Variants in CMTM8 observed in about 807,000 individuals in gnomAD.
CMTM8 encodes CKLF like MARVEL transmembrane domain containing 8, also known as CKLF-like MARVEL transmembrane domain-containing protein 8.
A neutral mutation model predicts 18.6 loss-of-function variants in CMTM8; 12 were observed. The observed-to-expected ratio is 0.65, with a 90% CI of 0.41 to 1.05. CMTM8 has a LOEUF of 1.05. Among genes scored for constraint, CMTM8 ranks in the 50% least tolerant of loss-of-function variants. CMTM8 has a pLI of 0.00. For synonymous variants in CMTM8, 87 were observed against 90.6 expected, an observed-to-expected ratio of 0.96 and a Z score of 0.23; for missense variants, 217 against 227.2, an observed-to-expected ratio of 0.95 and a Z score of 0.29.
At chr3:32,263,737 A>G (rs1348493696) in intron 1 of CMTM8, among the ~76,000 whole-genome samples, 1 of 152,174 alleles carries the variant, frequency 6.6e-6, no homozygotes, top group East Asian at 1.9e-4. Flanking sequence ...AGAATAACCA[A>G]TGCAGAGAAG....
At chr3:32,323,427 ATTT>A (rs1298006907) in intron 1 of CMTM8, among the ~76,000 whole-genome samples, 3 of 152,106 alleles carry the variant, frequency 2.0e-5, no homozygotes, top group Non-Finnish European at 4.4e-5. Flanking sequence ...ATAAAAAAAT[ATTT>A]TTTTCAAGTT....
chr3:32,304,693 A>G (rs1470240899), intron 1 of CMTM8, among the ~76,000 whole-genome samples: 2 of 152,368 alleles, frequency 1.3e-5, no homozygotes, highest in East Asian at 3.9e-4. Flanking sequence ...GGTGGCACAC[A>G]CAAGATAAAT....
At chr3:32,339,921 C>G (rs933945580) in intron 1 of CMTM8, among the ~76,000 whole-genome samples, 3 of 152,132 alleles carry the variant, frequency 2.0e-5, no homozygotes, top group Non-Finnish European at 4.4e-5. Flanking sequence ...CAAGATCGCA[C>G]CACTGCACTC....
chr3:32,366,928 G>T (rs1265509374), intron 2 of CMTM8, among the ~76,000 whole-genome samples: 1 of 152,230 alleles, frequency 6.6e-6, no homozygotes, highest in African/African-American at 2.4e-5. Flanking sequence ...AGCACAGGTG[G>T]AGGTGGCGAC....
At chr3:32,304,110 TG>T (rs1157532096) in intron 1 of CMTM8, among the ~76,000 whole-genome samples, 1 of 152,208 alleles carries the variant, frequency 6.6e-6, no homozygotes, top group Non-Finnish European at 1.5e-5. Flanking sequence ...TTAGACCATT[TG>T]GGTAAGAATA....
At chr3:32,299,681 G>C (rs2125562217) in intron 1 of CMTM8, among the ~76,000 whole-genome samples, 1 of 152,116 alleles carries the variant, frequency 6.6e-6, no homozygotes, top group Admixed American at 6.5e-5. Flanking sequence ...ATCATTGACG[G>C]TAGTCTTCAA....
At chr3:32,251,413 A>G (rs1702108614) in intron 1 of CMTM8, among the ~76,000 whole-genome samples, 2 of 152,086 alleles carry the variant, frequency 1.3e-5, no homozygotes, top group Admixed American at 1.3e-4. Context: ...TCCTGGGCTC[A>G]GGTGATCCTC....
rs1014184289 is a variant in CMTM8 at position 32,272,166 on chromosome 3, A to G, written c.147+33047A>G. On this transcript the variant is annotated intron_variant, in intron 1 of 3. Transcript: ENST00000307526. ...TCATTCTTCTATCTTACTGGTCTCC[A>G]TGGTTGTTGTCGATGTTGGCAGTCA... is the stretch of plus-strand genomic sequence containing the variant. 9.2e-5 allele frequency among the ~76,000 whole-genome samples: 14 copies of G among 152,290 alleles called. No individual in the cohort carries two copies. In the East Asian group the frequency reaches 1.7e-3, roughly 19 times the overall value.
intron 2 of CMTM8, among the ~76,000 whole-genome samples, chr3:32,360,891 G>T (rs1021110642): frequency 6.6e-6 from 1 of 152,208 alleles, no homozygotes; most frequent in Non-Finnish European, 1.5e-5. Context: ...TAATTCTTAG[G>T]CATCTAAAAT....
chr3:32,308,455 C>T (rs937887968), intron 1 of CMTM8, among the ~76,000 whole-genome samples: 5 of 152,150 alleles, frequency 3.3e-5, no homozygotes, highest in Admixed American at 2.6e-4. Flanking sequence ...ATTTCCAGCC[C>T]GCAGTTTCTT....
intron 2 of CMTM8, among the ~76,000 whole-genome samples, chr3:32,361,566 T>G (rs947107625): frequency 6.6e-6 from 1 of 152,110 alleles, no homozygotes; most frequent in Non-Finnish European, 1.5e-5. Flanking sequence ...GTAGACTTGG[T>G]TTTAGTCCCC....
At chr3:32,298,807 A>G (rs1419707318) in intron 1 of CMTM8, among the ~76,000 whole-genome samples, 4 of 133,240 alleles carry the variant, frequency 3.0e-5, no homozygotes, top group African/African-American at 9.0e-5. Flanking sequence ...TAATATATAT[A>G]TATATATACA....
chr3:32,333,723 T>C (rs1696327267), intron 1 of CMTM8, among the ~76,000 whole-genome samples: 1 of 150,418 alleles, frequency 6.6e-6, no homozygotes, highest in South Asian at 2.1e-4. Context: ...AGGTGAAAGA[T>C]GAATAGGCAG....
chr3:32,312,280 C>T lies in CMTM8; in HGVS notation c.148-45093C>T, dbSNP rs1483373894. Among the ~76,000 whole-genome samples, 4 of 152,202 alleles carry T rather than the reference C, an allele frequency of 2.6e-5. No homozygotes were observed. The East Asian group carries it at 5.8e-4, about 22-fold the overall frequency. ...CCTAGGCTTGATAATTTAAAGGGGG[C>T]CCGCATCCCTCAGATAAAAAGTTTC... On this transcript the variant is annotated intron_variant, in intron 1 of 3. Coordinates refer to ENST00000307526, the MANE Select transcript of CMTM8 (RefSeq NM_178868.5).
intron 1 of CMTM8, among the ~76,000 whole-genome samples, chr3:32,267,070 T>C (rs1396713500): frequency 2.0e-5 from 3 of 152,246 alleles, no homozygotes; most frequent in South Asian, 4.1e-4. Context: ...AAGCTACCAA[T>C]GACTTTCTTC....
chr3:32,283,989 G>A (rs1228564652), intron 1 of CMTM8, among the ~76,000 whole-genome samples: 8 of 152,206 alleles, frequency 5.3e-5, no homozygotes, highest in African/African-American at 1.9e-4. Flanking sequence ...AGTGCCTCAC[G>A]CCTGTAATTC....
At chr3:32,329,405 T>A (rs1696228460) in intron 1 of CMTM8, among the ~76,000 whole-genome samples, 1 of 152,112 alleles carries the variant, frequency 6.6e-6, no homozygotes, top group South Asian at 2.1e-4. Context: ...TAAACCAAAT[T>A]CAACGTAGTA....
Position 32,358,565 on chromosome 3 carries a change from G to A in CMTM8, c.321+1019G>A, listed in dbSNP as rs1038476214. On this transcript the variant is annotated intron_variant, in intron 2 of 3. Transcript: ENST00000307526. This position sits in a 1 kb window ranked among gnomAD's most constrained non-coding sequence, Gnocchi z 4.1. ...TGTGGTTATAGACTAAGTTAAGTTG[G>A]CACACTTTCAGACAACACTATCATT... is the stretch of plus-strand genomic sequence containing the variant. 6.6e-6 allele frequency among the ~76,000 whole-genome samples: 1 copy of A among 152,130 alleles called. No individual in the cohort carries two copies.
At chr3:32,320,566 A>G (rs1696024685) in intron 1 of CMTM8, among the ~76,000 whole-genome samples, 1 of 152,226 alleles carries the variant, frequency 6.6e-6, no homozygotes, top group East Asian at 1.9e-4. Context: ...GATGATGGCT[A>G]TGAATACACT....
Sources: allele counts gnomAD v4.1 joint callset (sites outside exome capture counted in the v4.1 genomes callset), GRCh38; gene constraint gnomAD v4.1.1; non-coding constraint Gnocchi (gnomAD v3.1); transcripts MANE v1.5; gene names NCBI Gene and HGNC (gene_info 2026-07-23, HGNC 2026-07-21).